Variants in WDR70 observed in about 807,000 individuals in gnomAD.
WDR70 encodes the protein WD repeat domain 70.
In WDR70, 53 loss-of-function variants were observed where a neutral mutation model predicts 88.6. The ratio of observed to expected loss-of-function variants is 0.60; its 90% CI spans 0.48 to 0.75. The LOEUF is 0.75. WDR70 is among the 30% of genes least tolerant of loss of function. The pLI, the probability that WDR70 is intolerant of heterozygous loss-of-function variation, is 0.00. For synonymous variants in WDR70, 280 were observed against 270.0 expected, an observed-to-expected ratio of 1.04 and a Z score of -0.36; for missense variants, 610 against 823.2, an observed-to-expected ratio of 0.74 and a Z score of 3.17.
intron 9 of WDR70, among the ~76,000 whole-genome samples, chr5:37,591,336 T>G (rs1462288016): frequency 3.3e-5 from 5 of 152,134 alleles, no homozygotes; most frequent in African/African-American, 1.2e-4. Flanking sequence ...TTGCAGGCAA[T>G]ATCAGACACC....
At chr5:37,741,037 A>T (rs1353421460) in intron 17 of WDR70, among the ~76,000 whole-genome samples, 1 of 152,142 alleles carries the variant, frequency 6.6e-6, no homozygotes, top group Non-Finnish European at 1.5e-5. Flanking sequence ...TTTAAATTTT[A>T]TGTTTCTAGA....
At chr5:37,570,102 T>C (rs568399172) in intron 9 of WDR70, among the ~76,000 whole-genome samples, 57 of 152,206 alleles carry the variant, frequency 3.7e-4, no homozygotes, top group African/African-American at 1.3e-3. Context: ...GGCATTGCAG[T>C]AATTTATACT....
chr5:37,481,852 C>A (rs1336353375), intron 8 of WDR70, among the ~76,000 whole-genome samples: 1 of 152,180 alleles, frequency 6.6e-6, no homozygotes, highest in African/African-American at 2.4e-5. Flanking sequence ...TTAGAAATGT[C>A]TTCTGGCAGA....
intron 3 of WDR70, among the ~76,000 whole-genome samples, chr5:37,390,561 C>T (rs1298541247): frequency 2.6e-5 from 4 of 151,652 alleles, no homozygotes; most frequent in Non-Finnish European, 5.9e-5. Context: ...GGGATGGTCT[C>T]GATCTCCTGA....
At chr5:37,594,787 C>T (rs1743650953) in intron 9 of WDR70, among the ~76,000 whole-genome samples, 1 of 152,162 alleles carries the variant, frequency 6.6e-6, no homozygotes, top group African/African-American at 2.4e-5. Flanking sequence ...AATCTTCTTC[C>T]ATTTGTTTGT....
At chr5:37,412,953 A>G (rs1749570071) in intron 5 of WDR70, among the ~76,000 whole-genome samples, 1 of 152,228 alleles carries the variant, frequency 6.6e-6, no homozygotes, top group Admixed American at 6.5e-5. Context: ...CATCAATACC[A>G]ATATTTGATC....
intron 17 of WDR70, among the ~76,000 whole-genome samples, chr5:37,735,716 T>C (rs913821964): frequency 6.6e-6 from 1 of 152,224 alleles, no homozygotes; most frequent in Non-Finnish European, 1.5e-5. Context: ...GAAAGGAAGC[T>C]AATATTTAAA....
At chr5:37,711,763 G>T (rs573079540) in intron 13 of WDR70, among the ~76,000 whole-genome samples, 1 of 152,244 alleles carries the variant, frequency 6.6e-6, no homozygotes, top group Non-Finnish European at 1.5e-5. Context: ...GGTGGTAAGG[G>T]CATCATCATA....
chr5:37,449,609 AATAAAAAAT>A (rs1380849670), intron 7 of WDR70, among the ~76,000 whole-genome samples: 8,677 of 67,648 alleles, frequency 0.13, 379 homozygotes, highest in Admixed American at 0.24. Flanking sequence ...AAAAATAAAA[AATAAAAAAT>A]AAATAAATAA....
At chr5:37,566,340 A>G (rs770271439) in intron 9 of WDR70, among the ~76,000 whole-genome samples, 5 of 152,136 alleles carry the variant, frequency 3.3e-5, no homozygotes, top group Non-Finnish European at 7.4e-5. Context: ...TTAATTAGGT[A>G]TGATAGTATA....
intron 8 of WDR70, among the ~76,000 whole-genome samples, chr5:37,499,593 C>CTCTCTCTCTCTTTTTT (rs1554144054): frequency 2.0e-5 from 1 of 50,060 alleles, no homozygotes; most frequent in Admixed American, 2.3e-4. Flanking sequence ...AATATTCTCT[C>CTCTCTCTCTCTTTTTT]TCTCTCTCTC....
In WDR70 at chr5:37,655,392, C is replaced by G. The variant is rs145146329; in HGVS notation, c.1093-42263C>G. Among the ~76,000 whole-genome samples, 705 of 152,180 alleles carry G rather than the reference C, an allele frequency of 4.6e-3. 4 individuals carry two copies. Among genetic ancestry groups the G allele is most frequent in the African/African-American group, 0.016 (646 of 41,506 alleles). On this transcript the variant is annotated intron_variant, in intron 10 of 17. Coordinates refer to ENST00000265107, the MANE Select transcript of WDR70 (RefSeq NM_018034.4). ...CTTAATATTTTTGCCTTCATTTCAACCTTGGTGAATCTAACGATTATGTGT... is the reference window on the plus strand; with the variant it reads ...CTTAATATTTTTGCCTTCATTTCAAGCTTGGTGAATCTAACGATTATGTGT...
intron 10 of WDR70, among the ~76,000 whole-genome samples, chr5:37,614,807 C>T (rs1204674932): frequency 2.6e-5 from 4 of 152,228 alleles, no homozygotes; most frequent in Admixed American, 1.3e-4. Flanking sequence ...ACGTGGGTCA[C>T]TAGACATTTG....
chr5:37,394,505 CGTT>C (rs1275492086), intron 4 of WDR70, among the ~76,000 whole-genome samples: 1 of 152,088 alleles, frequency 6.6e-6, no homozygotes, highest in East Asian at 1.9e-4. Context: ...ACTGAGCTCA[CGTT>C]GTTGTGGGAG....
At chr5:37,631,892 G>C (rs909379393) in intron 10 of WDR70, among the ~76,000 whole-genome samples, 5 of 152,238 alleles carry the variant, frequency 3.3e-5, no homozygotes, top group African/African-American at 1.2e-4. Context: ...CACCCACAGA[G>C]TACCAGCAGA....
intron 6 of WDR70, among the ~76,000 whole-genome samples, 160 bp from the exon 7 acceptor site, chr5:37,443,079 G>T (rs1255437744): frequency 6.6e-6 from 1 of 152,168 alleles, no homozygotes; most frequent in Non-Finnish European, 1.5e-5. Flanking sequence ...AATATGGAAG[G>T]CAACCATCCA....
At chr5:37,669,168 C>G (rs2112589591) in intron 10 of WDR70, among the ~76,000 whole-genome samples, 1 of 152,188 alleles carries the variant, frequency 6.6e-6, no homozygotes, top group South Asian at 2.1e-4. Context: ...ATTTATATAT[C>G]TCAGTGTTGT....
At chr5:37,694,712 G>A (rs1326719795) in intron 10 of WDR70, among the ~76,000 whole-genome samples, 1 of 151,984 alleles carries the variant, frequency 6.6e-6, no homozygotes, top group African/African-American at 2.4e-5. Context: ...GTGGGACTGG[G>A]GGAGGGATAG....
intron 17 of WDR70, among the ~76,000 whole-genome samples, chr5:37,748,134 A>T (rs901071087): frequency 1.3e-5 from 2 of 152,218 alleles, no homozygotes; most frequent in Admixed American, 1.3e-4. Context: ...ATTAGAAAAA[A>T]CTATTTTAAA....
Sources: allele counts gnomAD v4.1 joint callset (sites outside exome capture counted in the v4.1 genomes callset), GRCh38; gene constraint gnomAD v4.1.1; transcripts MANE v1.5; gene names NCBI Gene and HGNC (gene_info 2026-07-23, HGNC 2026-07-21).